SYT6: variants seen among roughly 807,000 people sequenced by gnomAD.
SYT6 encodes the protein synaptotagmin 6.
In SYT6, 24 loss-of-function variants were observed where a neutral mutation model predicts 38.4. The ratio of observed to expected loss-of-function variants is 0.62; its 90% CI spans 0.45 to 0.88. The LOEUF (loss-of-function observed/expected upper bound fraction) is 0.88. Among genes scored for constraint, SYT6 ranks in the 40% least tolerant of loss-of-function variants. The pLI, the probability that SYT6 is intolerant of heterozygous loss-of-function variation, is 0.00. For synonymous variants in SYT6, 265 were observed against 241.9 expected (o/e 1.10, Z -0.89); for missense variants, 611 against 621.0 (o/e 0.98, Z 0.17).
At chr1:114,152,720 C>T (rs1328183137) in intron 1 of SYT6, 2 of 152,198 alleles carry the variant, frequency 1.3e-5, no homozygotes, top group African/African-American at 4.8e-5. Context: ...GACGCCGCAG[C>T]TGCGCGCCAG....
At chr1:114,097,965 C>A (rs760579184) in intron 5 of SYT6, 88 bp from the exon 6 acceptor site, 6 of 1,477,104 alleles carry the variant, frequency 4.1e-6, no homozygotes, top group Non-Finnish European at 5.6e-6. Flanking sequence ...GGACTCTGCC[C>A]GATGGGTCTA....
At chr1:114,119,169 AG>A (rs773277897) in intron 3 of SYT6, among the ~76,000 whole-genome samples, 15 of 152,368 alleles carry the variant, frequency 9.8e-5, no homozygotes, top group South Asian at 2.1e-4. Context: ...AAGAGATTAC[AG>A]GCCCCTGTTC....
At chr1:114,120,311 A>G (rs1197742659) in intron 3 of SYT6, among the ~76,000 whole-genome samples, 1 of 152,146 alleles carries the variant, frequency 6.6e-6, no homozygotes, top group Admixed American at 6.5e-5. Flanking sequence ...AGTGTTTCCT[A>G]AGCCTCTGGT....
chr1:114,139,953 G>A lies in SYT6; in HGVS notation c.174C>T (p.Val58=), dbSNP rs1478473460. ...SPSAAGAGTS[V]SLLAVVVIVC... is the part of the protein sequence containing the mutation. ...CAATAACTACAACTGCGAGGAGGCT[G>A]ACAGAGGTGCCTGCCCTCGGCATGA... is the stretch of plus-strand genomic sequence containing the variant. The change falls in exon 2 of 8, where the codon GTC becomes GTT. Residue 58 remains valine (V), a synonymous_variant. Transcript: ENST00000610222. The A allele has an allele frequency of 1.3e-6, 2 of 1,501,496 alleles. No individual in the cohort carries two copies. The highest frequency in any genetic ancestry group is 1.4e-5 in the African/African-American group (1 of 71,410). 93.0% of individuals were successfully genotyped at this position (1,501,496 alleles called of 1,614,324 possible).
At chr1:114,143,048 G>C (rs1678947222) in intron 1 of SYT6, among the ~76,000 whole-genome samples, 1 of 151,336 alleles carries the variant, frequency 6.6e-6, no homozygotes, top group Non-Finnish European at 1.5e-5. Context: ...AAAACCATAT[G>C]AATAGGATTC....
chr1:114,107,365 G>A (rs1676389915), intron 3 of SYT6, among the ~76,000 whole-genome samples: 1 of 152,234 alleles, frequency 6.6e-6, no homozygotes, highest in Non-Finnish European at 1.5e-5. Flanking sequence ...CGACATGCAG[G>A]TGCTGAGTCT....
chr1:114,139,470 T>G, intron 2 of SYT6, 145 bp downstream of exon 2: 2 of 1,345,480 alleles, frequency 1.5e-6, no homozygotes, highest in Non-Finnish European at 2.0e-6. Context: ...TCACCCATCA[T>G]GGCTCACATC....
At chr1:114,121,617 C>T (rs1677406504) in intron 3 of SYT6, among the ~76,000 whole-genome samples, 2 of 152,050 alleles carry the variant, frequency 1.3e-5, no homozygotes, top group African/African-American at 4.8e-5. Context: ...AATACTTTAC[C>T]TTGAGGCAAA....
intron 3 of SYT6, among the ~76,000 whole-genome samples, chr1:114,115,202 A>G (rs1269327033): frequency 6.6e-6 from 1 of 152,176 alleles, no homozygotes; most frequent in Non-Finnish European, 1.5e-5. Flanking sequence ...CCAATAATCT[A>G]TGTTTAACAT....
chr1:114,114,018 G>C (rs557738366), intron 3 of SYT6, among the ~76,000 whole-genome samples: 12 of 152,266 alleles, frequency 7.9e-5, no homozygotes, highest in Non-Finnish European at 1.3e-4. Flanking sequence ...CCATGACTTT[G>C]CACTTTCTCT....
chr1:114,135,847 G>A (rs1191525390), intron 3 of SYT6, among the ~76,000 whole-genome samples: 1 of 152,212 alleles, frequency 6.6e-6, no homozygotes, highest in Non-Finnish European at 1.5e-5. Flanking sequence ...GGAGGACTGA[G>A]CTGCTTTTCT....
In SYT6 at chr1:114,093,730, C is replaced by T; in HGVS notation, c.*51+5G>A. 6.2e-7 allele frequency: 1 copy of T among 1,613,544 alleles called. No individual in the cohort carries two copies. The highest frequency in any genetic ancestry group is 8.5e-7 in the Non-Finnish European group (1 of 1,179,734). On this transcript the variant is annotated splice_donor_5th_base_variant and intron_variant, in intron 7 of 7. Coordinates refer to ENST00000610222, the MANE Select transcript of SYT6 (RefSeq NM_001253772.2). The stretch of plus-strand genomic sequence containing the variant: ...AACGTCTTTGGGTCCACACCAGGTA[C>T]TTACTCCTAACTCCAGGTGGCAGTC...
chr1:114,116,423 GGGA>G (rs1390456245), intron 3 of SYT6, among the ~76,000 whole-genome samples: 1 of 152,176 alleles, frequency 6.6e-6, no homozygotes, highest in Admixed American at 6.5e-5. Context: ...CACCAGGACT[GGGA>G]GGAGGAAACC....
At chr1:114,119,599 T>G (rs2101033772) in intron 3 of SYT6, among the ~76,000 whole-genome samples, 1 of 152,034 alleles carries the variant, frequency 6.6e-6, no homozygotes, top group Admixed American at 6.6e-5. Context: ...CGTTAAAGAG[T>G]GGGGAGATAT....
chr1:114,124,800 G>T (rs955882356), intron 3 of SYT6, among the ~76,000 whole-genome samples: 1 of 152,230 alleles, frequency 6.6e-6, no homozygotes, highest in African/African-American at 2.4e-5. Context: ...GTGGCAACAT[G>T]GGGGAGGGCT....
intron 3 of SYT6, among the ~76,000 whole-genome samples, chr1:114,107,130 G>T (rs1347074154): frequency 1.3e-5 from 2 of 152,210 alleles, no homozygotes; most frequent in Non-Finnish European, 1.5e-5. Flanking sequence ...CAGATGCGGA[G>T]TTGCCTGCGC....
chr1:114,092,338 C>CTGTGTG (rs57240903), intron 7 of SYT6, among the ~76,000 whole-genome samples: 1 of 128,486 alleles, frequency 7.8e-6, no homozygotes, highest in Non-Finnish European at 1.6e-5. Context: ...CTCTCTCTCT[C>CTGTGTG]TGTGTGTGTG....
intron 6 of SYT6, among the ~76,000 whole-genome samples, chr1:114,095,630 A>G (rs954358541): frequency 2.0e-5 from 3 of 151,378 alleles, no homozygotes; most frequent in Non-Finnish European, 4.4e-5. Context: ...TTACCAAGGA[A>G]CCCAAAGACC....
chr1:114,111,140 G>A (rs995217523), intron 3 of SYT6, among the ~76,000 whole-genome samples: 5 of 152,246 alleles, frequency 3.3e-5, no homozygotes, highest in South Asian at 4.2e-4. Flanking sequence ...CTTCTTCACC[G>A]GGTGGCCCTC....
Sources: allele counts gnomAD v4.1 joint callset (sites outside exome capture counted in the v4.1 genomes callset), GRCh38; gene constraint gnomAD v4.1.1; transcripts MANE v1.5; gene names NCBI Gene and HGNC (gene_info 2026-07-23, HGNC 2026-07-21).